PCDHGA6: variants seen among roughly 807,000 people sequenced by gnomAD.
The protein encoded by PCDHGA6 is protocadherin gamma subfamily A, 6, also known as protocadherin gamma-A6.
Under a neutral mutation model 60.6 loss-of-function variants are expected in PCDHGA6, and 41 were observed. That is an observed-to-expected ratio of 0.68 (90% CI 0.53 to 0.88). PCDHGA6 has a LOEUF of 0.88. Among genes scored for constraint, PCDHGA6 ranks in the 40% least tolerant of loss-of-function variants. The pLI, the probability that PCDHGA6 is intolerant of heterozygous loss-of-function variation, is 0.00. For synonymous variants in PCDHGA6, 594 were observed against 524.4 expected (o/e 1.13, Z -1.81); for missense variants, 1,312 against 1,203.0 (o/e 1.09, Z -1.34).
intron 1 of PCDHGA6, chr5:141,409,609 C>T: frequency 1.2e-6 from 2 of 1,613,938 alleles, no homozygotes; most frequent in Non-Finnish European, 1.7e-6. Flanking sequence ...CGCCAGGAGC[C>T]TCCATTGCGC....
At chr5:141,420,222 TG>T in intron 1 of PCDHGA6, 1 of 1,604,490 alleles carries the variant, frequency 6.2e-7, no homozygotes, top group East Asian at 2.2e-5. Flanking sequence ...AGCATGCTAC[TG>T]GCTAGCATTT....
In PCDHGA6 at chr5:141,511,161, G is replaced by A; in HGVS notation, c.2787G>A (p.Lys929=). 1 of 1,614,176 alleles carries A rather than the reference G, an allele frequency of 6.2e-7. No individual in the cohort carries two copies. The highest frequency in any genetic ancestry group is 8.5e-7 in the Non-Finnish European group (1 of 1,180,010). ...GNGNKKKSGK[K]EKK ...GCAACAAGAAGAAGTCGGGCAAGAA[G>A]GAGAAGAAGTAACATGGAGGCCAGG... Residue 929 remains lysine, a synonymous_variant, in exon 4 of 4, where the codon AAG becomes AAA. Transcript: ENST00000517434.
At chr5:141,478,236 T>C (rs2099440813) in intron 1 of PCDHGA6, 3 of 1,614,156 alleles carry the variant, frequency 1.9e-6, no homozygotes, top group Non-Finnish European at 2.5e-6. Flanking sequence ...GGGTTTGTGG[T>C]CACAGTGTTC....
chr5:141,376,055 G>A lies in PCDHGA6; in HGVS notation c.1972G>A (p.Val658Ile), dbSNP rs746662537. The change falls in exon 1 of 4, where the codon GTC (valine) becomes ATC (isoleucine). Residue 658 changes from valine to isoleucine, a missense_variant. By Grantham distance (29) the Val-to-Ile change is conservative (BLOSUM62 3). Transcript: ENST00000517434. ...CGGCCAGCCCCCTCTCTCCGCCACTGTCACGCTCACCGTGGCCGTGGCCGA... is the reference window on the plus strand; with the variant it reads ...CGGCCAGCCCCCTCTCTCCGCCACTATCACGCTCACCGTGGCCGTGGCCGA... ...DHGQPPLSAT[V>I]TLTVAVADRI... 4.3e-6 allele frequency: 7 copies of A among 1,613,232 alleles called. No homozygotes were observed. In the Admixed American group the frequency reaches 6.7e-5, roughly 15 times the overall value.
chr5:141,498,531 G>A (rs1384404653), intron 2 of PCDHGA6, among the ~76,000 whole-genome samples: 3 of 148,544 alleles, frequency 2.0e-5, no homozygotes, highest in Non-Finnish European at 4.4e-5. Context: ...CTGCCCTCCA[G>A]CCTGGTCTGG....
chr5:141,413,352 G>A (rs896091511), intron 1 of PCDHGA6: 1 of 1,613,976 alleles, frequency 6.2e-7, no homozygotes, highest in African/African-American at 1.3e-5. Flanking sequence ...TGGGTCTGGC[G>A]CCCCGGGAGC....
At chr5:141,503,309 A>G (rs2099819130) in intron 2 of PCDHGA6, among the ~76,000 whole-genome samples, 1 of 152,034 alleles carries the variant, frequency 6.6e-6, no homozygotes, top group Non-Finnish European at 1.5e-5. Flanking sequence ...TCAAGAAAGA[A>G]TTGTTGGAGG....
intron 1 of PCDHGA6, among the ~76,000 whole-genome samples, chr5:141,437,550 A>T (rs866913156): frequency 6.6e-6 from 1 of 152,192 alleles, no homozygotes; most frequent in African/African-American, 2.4e-5. Context: ...AGTTTTCTTT[A>T]TGACATGTAA....
rs1015821056 is a variant in PCDHGA6 at position 141,397,642 on chromosome 5, T to C, written c.2424+21135T>C. On this transcript the variant is annotated intron_variant, in intron 1 of 3. Coordinates refer to ENST00000517434, the MANE Select transcript of PCDHGA6 (RefSeq NM_018919.3). Reference sequence around the variant, plus strand: ...TAGTTCTAGCTAAGAGTTCAAGGTATGTTTGCAGAATGGTGAAAGAATGGA... The same window carrying C: ...TAGTTCTAGCTAAGAGTTCAAGGTACGTTTGCAGAATGGTGAAAGAATGGA... Among the ~76,000 whole-genome samples, 3 of 152,236 alleles carry C rather than the reference T, an allele frequency of 2.0e-5. No individual in the cohort carries two copies. The East Asian group carries it at 5.8e-4, about 29-fold the overall frequency.
At chr5:141,404,403 A>G (rs767148207) in intron 1 of PCDHGA6, 2 of 1,613,896 alleles carry the variant, frequency 1.2e-6, no homozygotes, top group East Asian at 4.5e-5. Flanking sequence ...AGCAATGAGA[A>G]TTCTAGAGTT....
chr5:141,457,264 C>T (rs2098915249), intron 1 of PCDHGA6, among the ~76,000 whole-genome samples: 1 of 152,142 alleles, frequency 6.6e-6, no homozygotes, highest in South Asian at 2.1e-4. Flanking sequence ...ATAGAATTCC[C>T]CTCTGTGGGC....
At chr5:141,505,202 T>C (rs778935321) in intron 2 of PCDHGA6, among the ~76,000 whole-genome samples, 191 bp from the exon 3 acceptor site, 3 of 152,012 alleles carry the variant, frequency 2.0e-5, no homozygotes, top group Non-Finnish European at 4.4e-5. Flanking sequence ...AAAGAGCTGG[T>C]TTGAGGGACT....
intron 1 of PCDHGA6, chr5:141,413,563 A>G: frequency 6.2e-7 from 1 of 1,613,918 alleles, no homozygotes; most frequent in Non-Finnish European, 8.5e-7. Context: ...AGTAACTGAT[A>G]TCAATGACAA....
Position 141,505,473 on chromosome 5 carries a change from C to T in PCDHGA6, c.2564C>T (p.Ser855Phe). The change falls in exon 3 of 4, where the codon TCC (serine) becomes TTC (phenylalanine). Residue 855 changes from serine to phenylalanine, a missense_variant. Transcript: ENST00000517434. Reference sequence around the variant, plus strand: ...ATGCTGCAAGCCATGATCTTGGCGTCCGCCAGTGGTAAGTGGTGTCAGTGT... The same window carrying T: ...ATGCTGCAAGCCATGATCTTGGCGTTCGCCAGTGGTAAGTGGTGTCAGTGT... ...TEMLQAMILA[S>F]ASEAADGSST... is the part of the protein sequence containing the mutation. The T allele has an allele frequency of 6.2e-7, 1 of 1,614,188 alleles. No homozygotes were observed. Among genetic ancestry groups the T allele is most frequent in the Non-Finnish European group, 8.5e-7 (1 of 1,180,014 alleles).
rs749937052 is a variant in PCDHGA6, at chr5:141,490,441, G to A, written c.2425-4366G>A. ...CCTGCCATTTCAGATTAAGCCTTCT[G>A]AGAACCACTACTCGCTGCTAACCAG... On this transcript the variant is annotated intron_variant, in intron 1 of 3. Coordinates refer to ENST00000517434, the MANE Select transcript of PCDHGA6 (RefSeq NM_018919.3). The surrounding 1 kb of genome is among the most constrained non-coding windows in gnomAD (Gnocchi z 5.4). The A allele has an allele frequency of 9.3e-6, 15 of 1,614,208 alleles. No homozygotes were observed. The highest frequency in any genetic ancestry group is 1.2e-5 in the Non-Finnish European group (14 of 1,180,042).
At chr5:141,457,554 G>A (rs2098924282) in intron 1 of PCDHGA6, among the ~76,000 whole-genome samples, 1 of 152,166 alleles carries the variant, frequency 6.6e-6, no homozygotes, top group Admixed American at 6.5e-5. Flanking sequence ...TGTATGATAA[G>A]CTTTGGAGCA....
intron 1 of PCDHGA6, chr5:141,416,195 CAATT>C (rs1181982521): frequency 6.6e-6 from 1 of 152,322 alleles, no homozygotes; most frequent in African/African-American, 2.4e-5. Flanking sequence ...ATTGAATTAA[CAATT>C]TATTTATAAC....
intron 1 of PCDHGA6, chr5:141,390,432 C>T: frequency 2.0e-6 from 2 of 985,350 alleles, no homozygotes; most frequent in South Asian, 3.4e-5. Context: ...GCTGTCATAT[C>T]ATTCTACAAA....
rs370032689 is a variant in PCDHGA6 at position 141,415,343 on chromosome 5, G to A, written c.2424+38836G>A. 84 of 1,614,112 alleles carry A rather than the reference G, an allele frequency of 5.2e-5. No homozygotes were observed. The African/African-American group carries it at 1.0e-3, about 20-fold the overall frequency. On this transcript the variant is annotated intron_variant, in intron 1 of 3. Transcript: ENST00000517434. The stretch of plus-strand genomic sequence containing the variant: ...CTGCTGGCGCACAGGCTGCGGCGCT[G>A]GCACAAGTCACGCCTGCTGCAGGCT...
Sources: gnomAD v4.1 joint callset for allele counts (sites outside exome capture counted in the v4.1 genomes callset) on GRCh38, gnomAD v4.1.1 for gene constraint, Gnocchi (gnomAD v3.1) non-coding constraint, MANE v1.5 for transcripts, NCBI Gene and HGNC (gene_info 2026-07-23, HGNC 2026-07-21) for gene names.